DNM1L: variants seen among roughly 807,000 people sequenced by gnomAD.
DNM1L encodes the protein dynamin 1L, also known as dynamin-1-like protein.
A neutral mutation model predicts 92.8 loss-of-function variants in DNM1L; 33 were observed. The observed-to-expected ratio is 0.36, with a 90% CI of 0.27 to 0.48. The LOEUF is 0.48. Among genes scored for constraint, DNM1L ranks in the 20% least tolerant of loss-of-function variants. The pLI, the probability that DNM1L is intolerant of heterozygous loss-of-function variation, is 0.99. For synonymous variants in DNM1L, 284 were observed against 305.0 expected (o/e 0.93, Z 0.72); for missense variants, 485 against 888.8 (o/e 0.55, Z 5.78).
At chr12:32,694,346 A>T (rs1000874089) in intron 1 of DNM1L, among the ~76,000 whole-genome samples, 5 of 152,170 alleles carry the variant, frequency 3.3e-5, no homozygotes, top group Non-Finnish European at 5.9e-5. Flanking sequence ...GGCCTCCCAA[A>T]GTGCTGGGAT....
intron 8 of DNM1L, 35 bp downstream of exon 8, chr12:32,720,830 T>C: frequency 6.2e-7 from 1 of 1,610,710 alleles, no homozygotes; most frequent in Non-Finnish European, 8.5e-7. Context: ...GAGATGTGTT[T>C]GTTTTTACCA....
Position 32,731,502 on chromosome 12 carries a change from C to A in DNM1L, c.1347C>A (p.Tyr449Ter). The part of the protein sequence containing the change: ...MQRIIQHCSN[Y>*]STQELLRFPK... ...GGATCATTCAGCACTGTAGCAATTA[C>A]AGTACACAGGTAACGGAGAGAAATG... is the stretch of plus-strand genomic sequence containing the variant. Residue 449 changes from tyrosine to a stop codon, truncating the protein, a stop_gained, in exon 11 of 20, where the codon TAC becomes TAA. Coordinates refer to ENST00000549701, the MANE Select transcript of DNM1L (RefSeq NM_012062.5). LOFTEE classifies it high-confidence loss of function. The surrounding 1 kb of genome is among the most constrained non-coding windows in gnomAD (Gnocchi z 5.1). 6.2e-7 allele frequency: 1 copy of A among 1,614,018 alleles called. No individual in the cohort carries two copies.
Position 32,743,913 on chromosome 12 carries a change from T to A in DNM1L, c.*503T>A, listed in dbSNP as rs949018974. On this transcript the variant is annotated 3_prime_UTR_variant, in exon 20 of 20. Coordinates refer to ENST00000549701, the MANE Select transcript of DNM1L (RefSeq NM_012062.5). ...ATTGTATTCCACCTGTCCTTCAATT[T>A]AGTTTTTTCTGAGCTTCTTTGCAGC... 6.3e-6 allele frequency: 1 copy of A among 158,404 alleles called. No homozygotes were observed. Among genetic ancestry groups the A allele is most frequent in the Admixed American group, 6.0e-5 (1 of 16,540 alleles). 9.8% of individuals were successfully genotyped at this position (158,404 alleles called of 1,614,324 possible).
intron 2 of DNM1L, 44 bp from the exon 3 acceptor site, chr12:32,707,323 G>A (rs769746417): frequency 2.0e-6 from 3 of 1,491,496 alleles, no homozygotes; most frequent in Non-Finnish European, 2.8e-6. Flanking sequence ...AAGATAAAAA[G>A]TAGTTTCCAT....
chr12:32,705,612 C>A (rs1952891461), intron 2 of DNM1L: 4 of 443,926 alleles, frequency 9.0e-6, no homozygotes, highest in Admixed American at 4.0e-5. Context: ...TATATACATC[C>A]CTCTAATTCT....
At chr12:32,702,404 T>C (rs1952751289) in intron 2 of DNM1L, among the ~76,000 whole-genome samples, 1 of 152,164 alleles carries the variant, frequency 6.6e-6, no homozygotes, top group Non-Finnish European at 1.5e-5. Flanking sequence ...GTTTGAAATG[T>C]TGAATGAGAG....
chr12:32,741,872 CTG>C lies in DNM1L; in HGVS notation c.1995-714_1995-713del, dbSNP rs34377616. Among the ~76,000 whole-genome samples, 333 of 152,276 alleles carry C rather than the reference CTG, an allele frequency of 2.2e-3. 1 individual carries two copies. Among genetic ancestry groups the C allele is most frequent in the Admixed American group, 3.6e-3 (55 of 15,296 alleles). ...CCATCTACGTTTGTGTAAGTACACT[CTG>C]TGCTGTGCATGTAATGAAATCACCT... On this transcript the variant is annotated intron_variant, in intron 18 of 19. Coordinates refer to ENST00000549701, the MANE Select transcript of DNM1L (RefSeq NM_012062.5).
intron 6 of DNM1L, 128 bp from the exon 7 acceptor site, chr12:32,718,515 A>C (rs1232167026): frequency 8.4e-7 from 1 of 1,185,250 alleles, no homozygotes; most frequent in African/African-American, 1.5e-5. Context: ...GGCATTACCA[A>C]AATGATGACA....
At position 32,743,574 on chromosome 12, in the gene DNM1L, T is replaced by C; in HGVS notation, c.*164T>C. On this transcript the variant is annotated 3_prime_UTR_variant, in exon 20 of 20. Coordinates refer to ENST00000549701, the MANE Select transcript of DNM1L (RefSeq NM_012062.5). ...AGTGTATTCCAAATTGCAGAACACATCACACATTTAATCCAAATAATAAAT... is the reference window on the plus strand; with the variant it reads ...AGTGTATTCCAAATTGCAGAACACACCACACATTTAATCCAAATAATAAAT... 1 of 646,428 alleles carries C rather than the reference T, an allele frequency of 1.5e-6. No individual in the cohort carries two copies. The highest frequency in any genetic ancestry group is 1.9e-5 in the South Asian group (1 of 53,090). The allele number at this position is 646,428 out of a possible 1,614,324, so 40.0% of individuals were successfully genotyped here.
chr12:32,713,076 A>G lies in DNM1L; in HGVS notation c.457-133A>G, dbSNP rs1465632861. 4 of 810,402 alleles carry G rather than the reference A, an allele frequency of 4.9e-6. No homozygotes were observed. The African/African-American group carries it at 5.2e-5, about 11-fold the overall frequency. 50.2% of individuals were successfully genotyped at this position (810,402 alleles called of 1,614,324 possible). ...CCAGATTCATAAATACCATTGTAGT[A>G]TATTAGTAATGTCTTTATTTTTATT... On this transcript the variant is annotated intron_variant, in intron 5 of 19. Transcript: ENST00000549701.
At chr12:32,700,521 A>G (rs1952658603) in intron 1 of DNM1L, among the ~76,000 whole-genome samples, 1 of 151,648 alleles carries the variant, frequency 6.6e-6, no homozygotes, top group Non-Finnish European at 1.5e-5. Flanking sequence ...CTGAGGTGGG[A>G]GGATTGCTTG....
In DNM1L at chr12:32,731,546, C is replaced by G. The variant is rs776992731; in HGVS notation, c.1356+35C>G. 8.7e-6 allele frequency: 14 copies of G among 1,612,316 alleles called. 1 individual carries two copies. In the Middle Eastern group the frequency reaches 1.5e-3, roughly 171 times the overall value. Reference sequence around the variant, plus strand: ...AGAAATGTAACAGGTTTCACATGAACTAGAAAAGGACATGAAGTGGTGGTT... The same window carrying G: ...AGAAATGTAACAGGTTTCACATGAAGTAGAAAAGGACATGAAGTGGTGGTT... On this transcript the variant is annotated intron_variant, in intron 11 of 19. Transcript: ENST00000549701. The surrounding 1 kb of genome is among the most constrained non-coding windows in gnomAD (Gnocchi z 5.1).
At chr12:32,687,678 G>C (rs1396133359) in intron 1 of DNM1L, among the ~76,000 whole-genome samples, 2 of 151,908 alleles carry the variant, frequency 1.3e-5, no homozygotes, top group Non-Finnish European at 2.9e-5. Flanking sequence ...TTGAACTCCT[G>C]ACCTCAGGTG....
At chr12:32,679,608 C>G in intron 1 of DNM1L, 143 bp downstream of exon 1, 1 of 1,387,538 alleles carries the variant, frequency 7.2e-7, no homozygotes, top group Non-Finnish European at 9.3e-7. Context: ...CTGGGGGCCC[C>G]AGGGCTCTCC....
At chr12:32,710,173 C>T (rs967349695) in intron 4 of DNM1L, among the ~76,000 whole-genome samples, 2 of 152,146 alleles carry the variant, frequency 1.3e-5, no homozygotes, top group Non-Finnish European at 2.9e-5. Context: ...AGAAAATACA[C>T]GTTACCTCTC....
chr12:32,699,525 A>G (rs988329371), intron 1 of DNM1L, among the ~76,000 whole-genome samples: 4 of 152,166 alleles, frequency 2.6e-5, no homozygotes, highest in African/African-American at 9.6e-5. Context: ...CATCTATCAA[A>G]GTAGCAAAGA....
At position 32,743,689 on chromosome 12, in the gene DNM1L, A is replaced by T. The variant is rs1955472294; in HGVS notation, c.*279A>T. The T allele has an allele frequency of 2.2e-6, 1 of 451,934 alleles. No homozygotes were observed. The highest frequency in any genetic ancestry group is 3.5e-5 in the Admixed American group (1 of 28,310). The allele number at this position is 451,934 out of a possible 1,614,324, so 28.0% of individuals were successfully genotyped here. A position where few individuals can be genotyped will look rare whatever the true frequency, so the allele number is the denominator to read the frequency against. ...TGAACTTAACTTAAAAACAACTGTT[A>T]ATGTTCTAGTTGTGCAAAGCAGTTT... On this transcript the variant is annotated 3_prime_UTR_variant, in exon 20 of 20. Transcript: ENST00000549701.
At position 32,704,315 on chromosome 12, in the gene DNM1L, C is replaced by T. The variant is rs1454431274; in HGVS notation, c.250+2753C>T. ...CTGTAATCCTAGCACTTTGGGAGGCCGAGGCGGGTGGATCACCTGAGGTCA... is the reference window on the plus strand; with the variant it reads ...CTGTAATCCTAGCACTTTGGGAGGCTGAGGCGGGTGGATCACCTGAGGTCA... On this transcript the variant is annotated intron_variant, in intron 2 of 19. Transcript: ENST00000549701. 5.9e-5 allele frequency among the ~76,000 whole-genome samples: 9 copies of T among 152,012 alleles called. No homozygotes were observed. The East Asian group carries it at 7.7e-4, about 13-fold the overall frequency.
chr12:32,696,779 C>T (rs1408635980), intron 1 of DNM1L, among the ~76,000 whole-genome samples: 1 of 151,338 alleles, frequency 6.6e-6, no homozygotes, highest in Non-Finnish European at 1.5e-5. Context: ...CATCTGCCAC[C>T]ACGCCCGGCT....
Sources: allele counts gnomAD v4.1 joint callset (sites outside exome capture counted in the v4.1 genomes callset), GRCh38; gene constraint gnomAD v4.1.1; non-coding constraint Gnocchi (gnomAD v3.1); transcripts MANE v1.5; gene names NCBI Gene and HGNC (gene_info 2026-07-23, HGNC 2026-07-21).